KMT2C: variants seen among roughly 807,000 people sequenced by gnomAD.
KMT2C encodes lysine methyltransferase 2C.
In KMT2C, 88 loss-of-function variants were observed where a neutral mutation model predicts 507.9. That is an observed-to-expected ratio of 0.17 (90% CI 0.15 to 0.21). The LOEUF (loss-of-function observed/expected upper bound fraction) is 0.21, where lower values mean the gene tolerates loss of function less well. KMT2C is among the 10% of genes least tolerant of loss of function. The pLI, the probability that KMT2C is intolerant of heterozygous loss-of-function variation, is 1.00. For synonymous variants in KMT2C, 2,049 were observed against 2,080.8 expected (o/e 0.98, Z 0.42); for missense variants, 4,954 against 5,957.8 (o/e 0.83, Z 5.55).
intron 42 of KMT2C, among the ~76,000 whole-genome samples, chr7:152,165,646 T>C (rs2092692469): frequency 6.6e-6 from 1 of 152,338 alleles, no homozygotes; most frequent in South Asian, 2.1e-4. Context: ...CTAATAGTTA[T>C]AAGCAAACAT....
chr7:152,167,846 T>C (rs1172674067), intron 41 of KMT2C, among the ~76,000 whole-genome samples: 2 of 152,174 alleles, frequency 1.3e-5, no homozygotes, highest in Non-Finnish European at 2.9e-5. Context: ...AGTTCTTTCC[T>C]ATTTCTTAAT....
intron 9 of KMT2C, among the ~76,000 whole-genome samples, chr7:152,254,556 A>G (rs2095614298): frequency 6.6e-6 from 1 of 152,206 alleles, no homozygotes; most frequent in Non-Finnish European, 1.5e-5. Flanking sequence ...CTCTTGAGAA[A>G]GTAAAAATGG....
At chr7:152,174,266 T>TATGAAA in intron 38 of KMT2C, 24 bp from the exon 39 acceptor site, 1 of 1,246,992 alleles carries the variant, frequency 8.0e-7, no homozygotes, top group Non-Finnish European at 1.2e-6. Flanking sequence ...ATAAAGTTAC[T>TATGAAA]TATTTCATAG....
chr7:152,389,352 C>CAA (rs386411673), intron 1 of KMT2C, among the ~76,000 whole-genome samples: 18,140 of 77,422 alleles, frequency 0.23, 1,830 homozygotes, highest in Middle Eastern at 0.31. Context: ...GACTCCGTCT[C>CAA]AAAAAAAAAA....
At chr7:152,333,934 T>A (rs543028995) in intron 2 of KMT2C, among the ~76,000 whole-genome samples, 14 of 152,244 alleles carry the variant, frequency 9.2e-5, no homozygotes, top group African/African-American at 3.1e-4. Context: ...GAGACAAAAT[T>A]GATAAAGTAT....
intron 1 of KMT2C, among the ~76,000 whole-genome samples, chr7:152,422,897 G>T (rs1383212580): frequency 6.6e-6 from 1 of 151,478 alleles, no homozygotes; most frequent in Admixed American, 6.6e-5. Flanking sequence ...GTGGCCTGTA[G>T]TCCCAGCTAC....
Position 152,358,692 on chromosome 7 carries a change from A to AAT in KMT2C, c.162-18_162-17insAT. On this transcript the variant is annotated splice_polypyrimidine_tract_variant and intron_variant, in intron 1 of 58. Coordinates refer to ENST00000262189, the MANE Select transcript of KMT2C (RefSeq NM_170606.3). ...CTTCGAGGTCTACAGAAAAAAAAAA[A>AAT]AATAATAAGTACATAGAGTTAAATG... 2 of 1,514,136 alleles carry AAT rather than the reference A, an allele frequency of 1.3e-6. No homozygotes were observed. Among genetic ancestry groups the AAT allele is most frequent in the Non-Finnish European group, 1.8e-6 (2 of 1,100,366 alleles). The allele number at this position is 1,514,136 out of a possible 1,614,324, so 93.8% of individuals were successfully genotyped here.
At chr7:152,297,055 C>CAGACAGACAGACAGACAGAGAGAG in intron 6 of KMT2C, among the ~76,000 whole-genome samples, 1 of 84,406 alleles carries the variant, frequency 1.2e-5, no homozygotes, top group Non-Finnish European at 2.3e-5. Flanking sequence ...GAAAGAAAGA[C>CAGACAGACAGACAGACAGAGAGAG]AGAGAGAGAG....
At position 152,160,962 on chromosome 7, in the gene KMT2C, T is replaced by G. The variant is rs1163368864; in HGVS notation, c.11460+1155A>C. Among the ~76,000 whole-genome samples, 3 of 151,974 alleles carry G rather than the reference T, an allele frequency of 2.0e-5. No individual in the cohort carries two copies. In the East Asian group the frequency reaches 5.8e-4, roughly 29 times the overall value. On this transcript the variant is annotated intron_variant, in intron 43 of 58. Transcript: ENST00000262189. ...AAAAAGATGACTCAAGAACTGCATTTCAAAAGATAAAAATATATTGTCCAG... is the reference window on the plus strand; with the variant it reads ...AAAAAGATGACTCAAGAACTGCATTGCAAAAGATAAAAATATATTGTCCAG...
chr7:152,176,784 C>A lies in KMT2C; in HGVS notation c.8669G>T (p.Ser2890Ile), dbSNP rs144267618. The change falls in exon 38 of 59, where the codon AGT becomes ATT. Residue 2890 changes from serine (S) to isoleucine (I), a missense_variant. By Grantham distance (142) the Ser-to-Ile change is moderately radical. Transcript: ENST00000262189. ...KRTNRETAGP[S>I]ANVIQASTQL... The stretch of plus-strand genomic sequence containing the variant: ...AGTGGATGCCTGAATGACATTTGCA[C>A]TGGGGCCAGCAGTTTCTCGATTGGT... 1.2e-6 allele frequency: 2 copies of A among 1,614,164 alleles called. No individual in the cohort carries two copies. The highest frequency in any genetic ancestry group is 1.7e-6 in the Non-Finnish European group (2 of 1,180,034).
chr7:152,345,109 C>T (rs1040837994), intron 2 of KMT2C, among the ~76,000 whole-genome samples: 1 of 151,540 alleles, frequency 6.6e-6, no homozygotes, highest in Non-Finnish European at 1.5e-5. Context: ...TGGTAGATAT[C>T]CATTCCATTA....
intron 3 of KMT2C, among the ~76,000 whole-genome samples, chr7:152,324,256 T>C (rs2096803051): frequency 6.6e-6 from 1 of 150,996 alleles, no homozygotes; most frequent in Non-Finnish European, 1.5e-5. Context: ...GGTGCAAAAG[T>C]GATTGTGGTT....
At chr7:152,347,983 A>G (rs963803475) in intron 2 of KMT2C, among the ~76,000 whole-genome samples, 2 of 152,158 alleles carry the variant, frequency 1.3e-5, no homozygotes, top group Non-Finnish European at 2.9e-5. Flanking sequence ...GAAAATCTAC[A>G]CTCAGTAATA....
chr7:152,269,758 C>A (rs1230488832), intron 7 of KMT2C, among the ~76,000 whole-genome samples: 4 of 152,020 alleles, frequency 2.6e-5, no homozygotes, highest in Non-Finnish European at 5.9e-5. Flanking sequence ...GAAATGCCAA[C>A]AGTGGCATAA....
intron 1 of KMT2C, among the ~76,000 whole-genome samples, chr7:152,394,055 C>T (rs1289908702): frequency 6.6e-6 from 1 of 152,228 alleles, no homozygotes; most frequent in Non-Finnish European, 1.5e-5. Context: ...CCACATCCCT[C>T]AACAAATCTT....
intron 3 of KMT2C, among the ~76,000 whole-genome samples, chr7:152,328,793 A>G (rs1389558103): frequency 6.6e-6 from 1 of 152,188 alleles, no homozygotes; most frequent in Non-Finnish European, 1.5e-5. Context: ...GAGTTGAGCT[A>G]CAAGGTATGA....
intron 1 of KMT2C, among the ~76,000 whole-genome samples, chr7:152,397,867 C>G (rs1440233555): frequency 6.6e-6 from 1 of 152,178 alleles, no homozygotes; most frequent in Non-Finnish European, 1.5e-5. Flanking sequence ...TCCCCAAACA[C>G]ATGGAACTAT....
At chr7:152,231,524 T>G (rs1309193184) in intron 16 of KMT2C, among the ~76,000 whole-genome samples, 1 of 152,288 alleles carries the variant, frequency 6.6e-6, no homozygotes, top group Admixed American at 6.5e-5. Flanking sequence ...CTCATGCCTA[T>G]AATCTTAGCA....
At chr7:152,299,326 A>G (rs1183519814) in intron 6 of KMT2C, among the ~76,000 whole-genome samples, 12 of 150,628 alleles carry the variant, frequency 8.0e-5, no homozygotes, top group African/African-American at 2.7e-4. Context: ...CAAAAAATAA[A>G]TAAATAAATA....
Sources: gnomAD v4.1 joint callset for allele counts (sites outside exome capture counted in the v4.1 genomes callset) on GRCh38, gnomAD v4.1.1 for gene constraint, MANE v1.5 for transcripts, NCBI Gene and HGNC (gene_info 2026-07-23, HGNC 2026-07-21) for gene names.